The following ZNF608 variants were observed in gnomAD, a reference collection of about 807,000 sequenced individuals.
ZNF608 encodes renal carcinoma antigen NY-REN-36.
Under a neutral mutation model 109.0 loss-of-function variants are expected in ZNF608, and 12 were observed. That is an observed-to-expected ratio of 0.11 (90% CI 0.07 to 0.18). The LOEUF (loss-of-function observed/expected upper bound fraction) is 0.18, where lower values mean the gene tolerates loss of function less well. Ranked by LOEUF, ZNF608 falls within the 10% of genes least tolerant of loss-of-function variation. The probability of loss-of-function intolerance (pLI) is 1.00; values close to 1 mark genes in which losing one functional copy is unlikely to be tolerated. For missense variants in ZNF608, 1,707 were observed against 1,879.3 expected (o/e 0.91, Z 1.70); for synonymous variants, 732 against 717.4 (o/e 1.02, Z -0.33).
At chr5:124,649,776 T>A in intron 3 of ZNF608, 79 bp from the exon 4 acceptor site, 1 of 933,792 alleles carries the variant, frequency 1.1e-6, no homozygotes, top group Non-Finnish European at 1.5e-6. Flanking sequence ...TATTTTTTTC[T>A]CTTTTTTTTG....
rs978698216 is a variant in ZNF608 at position 124,744,715 on chromosome 5, G to A, written c.275C>T (p.Ala92Val). 16 of 1,614,076 alleles carry A rather than the reference G, an allele frequency of 9.9e-6. No individual in the cohort carries two copies. In the African/African-American group the frequency reaches 1.7e-4, roughly 18 times the overall value. ...GLKFASVQAS[A>V]PQGNSHKETS... ...CTCTTTGTGTGAATTCCCCTGGGGA[G>A]CAGAGGCCTGAACAGAAGCAAATTT... is the stretch of plus-strand genomic sequence containing the variant. Residue 92 changes from alanine (A) to valine (V), a missense_variant, in exon 2 of 10, where the codon GCT (alanine) becomes GTT (valine). Physicochemically the swap from Ala to Val is moderately conservative, Grantham distance 64. This residue lies in a region of ZNF608 where 407 missense variants were observed against 398.7 expected (regional missense o/e 1.02). Transcript: ENST00000513986. The surrounding 1 kb of genome is among the most constrained non-coding windows in gnomAD (Gnocchi z 4.5).
chr5:124,736,430 T>C (rs1749150470), intron 2 of ZNF608, among the ~76,000 whole-genome samples: 1 of 152,232 alleles, frequency 6.6e-6, no homozygotes, highest in South Asian at 2.1e-4. Context: ...GGTCTGGCTA[T>C]GCACGCTTTG....
chr5:124,744,441 G>C lies in ZNF608; in HGVS notation c.549C>G (p.Ser183=). Residue 183 remains serine, a synonymous_variant, in exon 2 of 10, where the codon TCC becomes TCG. Transcript: ENST00000513986. The surrounding 1 kb of genome is among the most constrained non-coding windows in gnomAD (Gnocchi z 4.5). ...GCTTCTCCTCTTTGCTTTTCCCACA[G>C]GAGCCTGCCCCCGCGGTGGCGGCAG... The part of the protein sequence containing the change: ...STSAATAGAG[S]CGKSKEEKPG... The C allele has an allele frequency of 6.8e-6, 11 of 1,614,244 alleles. No individual in the cohort carries two copies. The highest frequency in any genetic ancestry group is 8.5e-6 in the Non-Finnish European group (10 of 1,180,040).
intron 2 of ZNF608, among the ~76,000 whole-genome samples, chr5:124,724,679 T>C (rs1319015255): frequency 2.0e-5 from 3 of 152,028 alleles, no homozygotes; most frequent in Admixed American, 6.6e-5. Context: ...GGGAAAGTAA[T>C]ACTCTTTCAA....
At chr5:124,642,882 A>C (rs536416476) in intron 7 of ZNF608, among the ~76,000 whole-genome samples, 14 of 151,892 alleles carry the variant, frequency 9.2e-5, no homozygotes, top group African/African-American at 1.2e-4. Context: ...TTTTTAGTAG[A>C]GACGGAGTTT....
At chr5:124,706,326 C>G (rs1753258918) in intron 2 of ZNF608, among the ~76,000 whole-genome samples, 1 of 152,116 alleles carries the variant, frequency 6.6e-6, no homozygotes, top group African/African-American at 2.4e-5. Flanking sequence ...TAGCTCAGGG[C>G]CTGGTAGAAG....
Position 124,644,633 on chromosome 5 carries a change from T to A in ZNF608, c.3734A>T (p.Tyr1245Phe), listed in dbSNP as rs748451970. 2.5e-6 allele frequency: 4 copies of A among 1,572,218 alleles called. No individual in the cohort carries two copies. Among genetic ancestry groups the A allele is most frequent in the Non-Finnish European group, 3.5e-6 (4 of 1,158,476 alleles). The change falls in exon 6 of 10, where the codon TAT (tyrosine) becomes TTT (phenylalanine). Residue 1245 changes from tyrosine to phenylalanine, a missense_variant. Tyr to Phe is a conservative substitution (Grantham distance 22, BLOSUM62 3). Coordinates refer to ENST00000513986, the MANE Select transcript of ZNF608 (RefSeq NM_020747.3). The part of the protein sequence containing the change: ...QDPDSRTWHH[Y>F]VYQPKYLDQQ... The stretch of plus-strand genomic sequence containing the variant: ...ATCCAGATATTTGGGCTGGTATACA[T>A]AATGATGCCATGTTCTTGAATCTGG...
chr5:124,657,142 T>A (rs1170126230), intron 3 of ZNF608, among the ~76,000 whole-genome samples: 1 of 152,134 alleles, frequency 6.6e-6, no homozygotes, highest in Non-Finnish European at 1.5e-5. Flanking sequence ...TTCCCACTTC[T>A]AGAAGATACA....
intron 3 of ZNF608, among the ~76,000 whole-genome samples, chr5:124,650,775 T>C (rs1486394772): frequency 1.3e-5 from 2 of 152,238 alleles, no homozygotes; most frequent in Non-Finnish European, 2.9e-5. Context: ...CCCTACTCTT[T>C]CTTGGAAGCA....
chr5:124,642,949 G>A (rs775483834), intron 7 of ZNF608, among the ~76,000 whole-genome samples: 14 of 151,784 alleles, frequency 9.2e-5, no homozygotes, highest in Non-Finnish European at 1.8e-4. Context: ...TGCCCGCCTC[G>A]GCCTCCCAAA....
At chr5:124,678,781 C>CT in intron 3 of ZNF608, among the ~76,000 whole-genome samples, 1 of 152,286 alleles carries the variant, frequency 6.6e-6, no homozygotes, top group East Asian at 1.9e-4. Context: ...TGACTGGACT[C>CT]TAGTGCTCCT....
chr5:124,721,977 T>TAAAAAA (rs1753939858), intron 2 of ZNF608, among the ~76,000 whole-genome samples: 2 of 58,136 alleles, frequency 3.4e-5, no homozygotes, highest in African/African-American at 6.2e-5. Context: ...AAAAAAGAAC[T>TAAAAAA]CAAAGCCAAA....
intron 2 of ZNF608, among the ~76,000 whole-genome samples, chr5:124,723,766 C>T (rs1027922743): frequency 5.3e-5 from 8 of 151,474 alleles, no homozygotes; most frequent in African/African-American, 1.5e-4. Context: ...CAGAATCAAA[C>T]GACAAATGAA....
At chr5:124,700,467 C>T (rs145918311) in intron 3 of ZNF608, among the ~76,000 whole-genome samples, 6 of 152,342 alleles carry the variant, frequency 3.9e-5, no homozygotes, top group South Asian at 4.1e-4. Context: ...AAAGGTTTTA[C>T]GTCTCTGGCC....
At chr5:124,724,322 C>A (rs80093973) in intron 2 of ZNF608, among the ~76,000 whole-genome samples, 2 of 151,676 alleles carry the variant, frequency 1.3e-5, no homozygotes, top group Non-Finnish European at 2.9e-5. Context: ...GAAGTAAAAC[C>A]TACTTTTCAT....
At chr5:124,680,041 G>C (rs369724077) in intron 3 of ZNF608, among the ~76,000 whole-genome samples, 198 of 152,252 alleles carry the variant, frequency 1.3e-3, no homozygotes, top group African/African-American at 4.6e-3. Flanking sequence ...AAGGGAGGGA[G>C]GTAGGGCTGG....
At chr5:124,664,930 CT>C (rs1242822286) in intron 3 of ZNF608, among the ~76,000 whole-genome samples, 1 of 152,116 alleles carries the variant, frequency 6.6e-6, no homozygotes, top group Admixed American at 6.5e-5. Flanking sequence ...AATCCCAGCA[CT>C]TTGGGAGGCT....
At chr5:124,695,685 C>T (rs1561565786) in intron 3 of ZNF608, among the ~76,000 whole-genome samples, 1 of 151,884 alleles carries the variant, frequency 6.6e-6, no homozygotes, top group Non-Finnish European at 1.5e-5. Flanking sequence ...GGAGGACCAC[C>T]TGAGCCCAGG....
chr5:124,722,943 AC>A (rs1283358464), intron 2 of ZNF608, among the ~76,000 whole-genome samples: 1 of 152,058 alleles, frequency 6.6e-6, no homozygotes, highest in Non-Finnish European at 1.5e-5. Context: ...CGACCCCCAA[AC>A]CCAAGAAGGT....
Sources: gnomAD v4.1 joint callset for allele counts (sites outside exome capture counted in the v4.1 genomes callset) on GRCh38, gnomAD v4.1.1 for gene constraint, gnomAD v4.1.1 regional missense constraint, Gnocchi (gnomAD v3.1) non-coding constraint, MANE v1.5 for transcripts, NCBI Gene and HGNC (gene_info 2026-07-23, HGNC 2026-07-21) for gene names.